The following ATRNL1 variants were observed in gnomAD, a reference collection of about 807,000 sequenced individuals.
ATRNL1 encodes the protein attractin like 1, also known as attractin-like protein 1.
ATRNL1 carries 95 observed loss-of-function variants against 182.7 expected under a neutral mutation model. That is an observed-to-expected ratio of 0.52 (90% CI 0.44 to 0.62). The LOEUF (loss-of-function observed/expected upper bound fraction) is 0.62. ATRNL1 is among the 20% of genes least tolerant of loss of function. The pLI is 0.00. For missense variants in ATRNL1, 1,471 were observed against 1,679.5 expected, an observed-to-expected ratio of 0.88 and a Z score of 2.17; for synonymous variants, 576 against 568.3, an observed-to-expected ratio of 1.01 and a Z score of -0.19.
At chr10:115,518,479 T>C (rs74954020) in intron 24 of ATRNL1, among the ~76,000 whole-genome samples, 218 of 152,136 alleles carry the variant, frequency 1.4e-3, no homozygotes, top group African/African-American at 4.8e-3. Flanking sequence ...ATGTTTATAT[T>C]GTAACTTTTA....
intron 27 of ATRNL1, among the ~76,000 whole-genome samples, chr10:115,775,068 C>G (rs1377009694): frequency 6.6e-6 from 1 of 151,964 alleles, no homozygotes; most frequent in Non-Finnish European, 1.5e-5. Flanking sequence ...ATAATAAATC[C>G]TGCTTTTGAT....
In ATRNL1 at chr10:115,587,065, C is replaced by T. The variant is rs186602412; in HGVS notation, c.3795+37529C>T. ...GGGGGTGCCTCCCAGTTAGGCTGCT[C>T]GGGGGTCAGGGGTCAGGGATTCACT... On this transcript the variant is annotated intron_variant, in intron 26 of 28. Coordinates refer to ENST00000355044, the MANE Select transcript of ATRNL1 (RefSeq NM_207303.4). 1.6e-3 allele frequency among the ~76,000 whole-genome samples: 246 copies of T among 149,760 alleles called. 1 individual carries two copies. The highest frequency in any genetic ancestry group is 5.6e-3 in the African/African-American group (232 of 41,130).
At chr10:115,137,277 G>C (rs1845556396) in intron 5 of ATRNL1, among the ~76,000 whole-genome samples, 1 of 152,176 alleles carries the variant, frequency 6.6e-6, no homozygotes, top group Admixed American at 6.5e-5. Context: ...TCAGTTATTG[G>C]AAAGTATGCA....
intron 5 of ATRNL1, among the ~76,000 whole-genome samples, chr10:115,151,869 T>C (rs369111132): frequency 6.6e-6 from 1 of 152,106 alleles, no homozygotes; most frequent in African/African-American, 2.4e-5. Context: ...AGTCTTTAAT[T>C]CATCTTGAAT....
intron 17 of ATRNL1, among the ~76,000 whole-genome samples, chr10:115,309,273 A>G (rs982238709): frequency 4.6e-5 from 7 of 151,996 alleles, no homozygotes; most frequent in African/African-American, 1.7e-4. Flanking sequence ...TTTTGGTTCT[A>G]TATGAATTTT....
At chr10:115,189,546 A>G (rs972610643) in intron 8 of ATRNL1, among the ~76,000 whole-genome samples, 3 of 152,066 alleles carry the variant, frequency 2.0e-5, no homozygotes, top group African/African-American at 7.2e-5. Context: ...TTTTGTTTTT[A>G]GCAAAAAATT....
At chr10:115,679,409 G>A (rs1354403177) in intron 26 of ATRNL1, among the ~76,000 whole-genome samples, 3 of 151,884 alleles carry the variant, frequency 2.0e-5, no homozygotes, top group African/African-American at 7.3e-5. Flanking sequence ...ATTACAGTGA[G>A]TCCTATGTGC....
At chr10:115,203,139 C>A (rs1311072633) in intron 8 of ATRNL1, among the ~76,000 whole-genome samples, 1 of 152,090 alleles carries the variant, frequency 6.6e-6, no homozygotes, top group Non-Finnish European at 1.5e-5. Context: ...TATACAGCTA[C>A]TTTGTTATTA....
At chr10:115,254,917 G>C (rs1227409020) in intron 10 of ATRNL1, among the ~76,000 whole-genome samples, 2 of 151,990 alleles carry the variant, frequency 1.3e-5, no homozygotes, top group South Asian at 2.1e-4. Context: ...TCTTGTTTTT[G>C]TCAGGTTTGT....
intron 19 of ATRNL1, among the ~76,000 whole-genome samples, chr10:115,341,342 T>C (rs1424022755): frequency 6.6e-6 from 1 of 152,208 alleles, no homozygotes; most frequent in Non-Finnish European, 1.5e-5. Flanking sequence ...TATTAATTTC[T>C]AGTTTTATTC....
intron 20 of ATRNL1, among the ~76,000 whole-genome samples, chr10:115,421,308 C>A (rs1356084408): frequency 1.3e-5 from 2 of 152,096 alleles, no homozygotes; most frequent in African/African-American, 4.8e-5. Context: ...ACAGTACTAG[C>A]AAACTGAATC....
At chr10:115,682,794 C>T (rs1386273360) in intron 26 of ATRNL1, among the ~76,000 whole-genome samples, 1 of 152,082 alleles carries the variant, frequency 6.6e-6, no homozygotes, top group Non-Finnish European at 1.5e-5. Context: ...CAACTGCTAG[C>T]TCTTAGAAGC....
At chr10:115,230,913 G>GAGAGAGAGAGAGAGAGAGAGAA (rs1849914042) in intron 9 of ATRNL1, among the ~76,000 whole-genome samples, 1 of 117,610 alleles carries the variant, frequency 8.5e-6, no homozygotes, top group African/African-American at 3.5e-5. Context: ...GAGAGAGAGA[G>GAGAGAGAGAGAGAGAGAGAGAA]AGAGAGAGAA....
intron 28 of ATRNL1, among the ~76,000 whole-genome samples, chr10:115,882,681 G>A (rs977608915): frequency 6.6e-6 from 1 of 152,064 alleles, no homozygotes; most frequent in African/African-American, 2.4e-5. Flanking sequence ...GTAAGGAAGG[G>A]GTCTGAGTTG....
chr10:115,165,124 A>T (rs1846978174), intron 6 of ATRNL1, among the ~76,000 whole-genome samples: 1 of 152,028 alleles, frequency 6.6e-6, no homozygotes, highest in Non-Finnish European at 1.5e-5. Context: ...AAAACTTATA[A>T]GTATCAGGCC....
chr10:115,701,775 A>G (rs537625006), intron 26 of ATRNL1, among the ~76,000 whole-genome samples: 1 of 152,156 alleles, frequency 6.6e-6, no homozygotes, highest in African/African-American at 2.4e-5. Flanking sequence ...TGAACAGACC[A>G]ATATTGAGTT....
chr10:115,877,220 C>A (rs1433123071), intron 28 of ATRNL1, among the ~76,000 whole-genome samples: 1 of 151,550 alleles, frequency 6.6e-6, no homozygotes, highest in Non-Finnish European at 1.5e-5. Flanking sequence ...GGTAGAAAGG[C>A]AGTCATTTTA....
At chr10:115,871,467 CTTTGTGTGTGTGTA>C (rs1951579431) in intron 28 of ATRNL1, among the ~76,000 whole-genome samples, 1 of 16,544 alleles carries the variant, frequency 6.0e-5, no homozygotes, top group African/African-American at 8.6e-5. Flanking sequence ...TGGTCAGATT[CTTTGTGTGTGTGTA>C]TATATATATA....
At chr10:115,569,106 A>G (rs1279349916) in intron 26 of ATRNL1, among the ~76,000 whole-genome samples, 1 of 152,076 alleles carries the variant, frequency 6.6e-6, no homozygotes, top group Admixed American at 6.6e-5. Flanking sequence ...TAGAATGTGA[A>G]AAACCTCATC....
Sources: gnomAD v4.1 joint callset for allele counts (sites outside exome capture counted in the v4.1 genomes callset) on GRCh38, gnomAD v4.1.1 for gene constraint, MANE v1.5 for transcripts, NCBI Gene and HGNC (gene_info 2026-07-23, HGNC 2026-07-21) for gene names.